Variants in DCAF6 observed in about 807,000 individuals in gnomAD.
DCAF6 encodes DDB1- and CUL4-associated factor 6.
In DCAF6, 54 loss-of-function variants were observed where a neutral mutation model predicts 125.1. That is an observed-to-expected ratio of 0.43 (90% CI 0.35 to 0.54). DCAF6 has a LOEUF of 0.54. Among genes scored for constraint, DCAF6 ranks in the 20% least tolerant of loss-of-function variants. DCAF6 has a pLI of 0.01. For missense variants in DCAF6, 934 were observed against 1,161.7 expected (o/e 0.80, Z 2.85); for synonymous variants, 371 against 390.4 (o/e 0.95, Z 0.58).
chr1:167,918,150 T>C, the DCAF6 span: 27 of 544,354 alleles, frequency 5.0e-5, no homozygotes, highest in African/African-American at 4.4e-4. Flanking sequence ...TTAAGTCATG[T>C]AGAGAGACTG....
intron 16 of DCAF6, among the ~76,000 whole-genome samples, chr1:168,048,455 A>C (rs773949589): frequency 8.5e-5 from 13 of 152,236 alleles, no homozygotes; most frequent in Non-Finnish European, 1.5e-4. Flanking sequence ...ATTTCTGACA[A>C]ATTTACTGAA....
At chr1:167,982,666 A>T (rs1679371809) in intron 4 of DCAF6, among the ~76,000 whole-genome samples, 1 of 152,136 alleles carries the variant, frequency 6.6e-6, no homozygotes, top group African/African-American at 2.4e-5. Flanking sequence ...TAGTTTAATT[A>T]GGTCCCACTT....
At chr1:168,038,216 C>T (rs555097489) in intron 12 of DCAF6, among the ~76,000 whole-genome samples, 155 bp from the exon 13 acceptor site, 1 of 152,236 alleles carries the variant, frequency 6.6e-6, no homozygotes, top group South Asian at 2.1e-4. Context: ...AGTATTTCCA[C>T]AACACATGCC....
the DCAF6 span, among the ~76,000 whole-genome samples, chr1:167,922,135 T>A: frequency 4.6e-5 from 7 of 152,156 alleles, no homozygotes; most frequent in Non-Finnish European, 7.4e-5. Context: ...GTAAGAGGTA[T>A]ATAAGGTAAG....
intron 2 of DCAF6, among the ~76,000 whole-genome samples, chr1:167,964,727 C>CT (rs1676134551): frequency 6.6e-6 from 1 of 151,984 alleles, no homozygotes; most frequent in Non-Finnish European, 1.5e-5. Context: ...TTTTGTTTTG[C>CT]TTTTTTTCAG....
In DCAF6 at chr1:168,075,457, T is replaced by C; in HGVS notation, c.*22T>C. On this transcript the variant is annotated 3_prime_UTR_variant, in exon 22 of 22. Transcript: ENST00000367840. Reference sequence around the variant, plus strand: ...ATAATAAACTCTTTTTGGCAAGCACTTAAATGTTCTGAAATTTGTATAAGA... The same window carrying C: ...ATAATAAACTCTTTTTGGCAAGCACCTAAATGTTCTGAAATTTGTATAAGA... 6.4e-7 allele frequency: 1 copy of C among 1,569,226 alleles called. No individual in the cohort carries two copies. The highest frequency in any genetic ancestry group is 8.6e-7 in the Non-Finnish European group (1 of 1,161,882).
chr1:167,869,494 G>A, the DCAF6 span, among the ~76,000 whole-genome samples: 1 of 152,176 alleles, frequency 6.6e-6, no homozygotes, highest in African/African-American at 2.4e-5. Flanking sequence ...ACAGAGAAGC[G>A]AAACTAAAGG....
the DCAF6 span, among the ~76,000 whole-genome samples, chr1:167,910,285 C>A: frequency 6.6e-6 from 1 of 152,178 alleles, no homozygotes; most frequent in Non-Finnish European, 1.5e-5. Context: ...TTTTAAGATA[C>A]ATAAAAGTGT....
intron 12 of DCAF6, among the ~76,000 whole-genome samples, chr1:168,029,379 T>C (rs1557999543): frequency 6.6e-6 from 1 of 152,228 alleles, no homozygotes; most frequent in Non-Finnish European, 1.5e-5. Context: ...CATATTTGTA[T>C]GTCTGTACTT....
intron 18 of DCAF6, 79 bp from the exon 19 acceptor site, chr1:168,065,506 CAAATA>C (rs920230378): frequency 3.8e-6 from 4 of 1,051,598 alleles, no homozygotes; most frequent in African/African-American, 3.2e-5. Context: ...AGAATTAAAA[CAAATA>C]AAAAAATGTA....
At chr1:167,904,838 A>C in the DCAF6 span, 1 of 950,882 alleles carries the variant, frequency 1.1e-6, no homozygotes, top group Non-Finnish European at 1.7e-6. Context: ...GCCACAAGCT[A>C]TTTCCTCCCT....
chr1:167,977,238 T>A (rs1283351625), intron 4 of DCAF6, among the ~76,000 whole-genome samples: 1 of 151,064 alleles, frequency 6.6e-6, no homozygotes, highest in Non-Finnish European at 1.5e-5. Flanking sequence ...CATGAGAGTT[T>A]GTTGATAGAA....
At chr1:168,015,295 T>C (rs1684816569) in intron 10 of DCAF6, among the ~76,000 whole-genome samples, 1 of 152,186 alleles carries the variant, frequency 6.6e-6, no homozygotes, top group Admixed American at 6.5e-5. Flanking sequence ...AATATATAAC[T>C]CACTTTTTTA....
intron 12 of DCAF6, chr1:168,023,320 A>C: frequency 2.0e-6 from 1 of 504,374 alleles, no homozygotes; most frequent in Non-Finnish European, 3.6e-6. Context: ...TACAAACTAT[A>C]TCCATTTTTT....
chr1:167,920,198 C>G, the DCAF6 span: 9 of 698,462 alleles, frequency 1.3e-5, no homozygotes, highest in Admixed American at 2.8e-5. Context: ...GGATGAGGGA[C>G]AAAGAAATGC....
At position 168,004,597 on chromosome 1, in the gene DCAF6, G is replaced by A. The variant is rs1165067242; in HGVS notation, c.1182G>A (p.Val394=). Residue 394 remains valine, a synonymous_variant, in exon 10 of 22, where the codon GTG becomes GTA. Coordinates refer to ENST00000367840, the MANE Select transcript of DCAF6 (RefSeq NM_001198956.2). ...PTVPSSPDLE[V]SETAMEVDTP... ...TCCCATCAAGTCCTGATTTGGAAGT[G>A]AGTGAAACTGCAATGGAAGTAGATA... The A allele has an allele frequency of 2.5e-6, 4 of 1,611,954 alleles. No homozygotes were observed. The highest frequency in any genetic ancestry group is 1.3e-5 in the African/African-American group (1 of 74,918).
intron 4 of DCAF6, among the ~76,000 whole-genome samples, chr1:167,976,256 G>C (rs554101493): frequency 1.3e-5 from 2 of 152,230 alleles, no homozygotes; most frequent in East Asian, 3.9e-4. Context: ...ATCACTTGAG[G>C]CCAGGAATTT....
At chr1:167,987,307 A>G (rs973139688) in intron 4 of DCAF6, among the ~76,000 whole-genome samples, 188 bp from the exon 5 acceptor site, 22 of 152,192 alleles carry the variant, frequency 1.4e-4, no homozygotes, top group Admixed American at 6.5e-5. Flanking sequence ...TAATTCAACA[A>G]TTACTTCTTA....
intron 4 of DCAF6, among the ~76,000 whole-genome samples, chr1:167,978,802 T>C (rs1308566704): frequency 6.6e-6 from 1 of 152,044 alleles, no homozygotes; most frequent in African/African-American, 2.4e-5. Context: ...ACTACAGGCA[T>C]GCACTACTGC....
Sources: allele counts gnomAD v4.1 joint callset (sites outside exome capture counted in the v4.1 genomes callset), GRCh38; gene constraint gnomAD v4.1.1; transcripts MANE v1.5; gene names NCBI Gene and HGNC (gene_info 2026-07-23, HGNC 2026-07-21).